The following ZNF714 variants were observed in gnomAD, a reference collection of about 807,000 sequenced individuals.
ZNF714 encodes the protein zinc finger protein 714.
ZNF714 carries 32 observed loss-of-function variants against 46.2 expected under a neutral mutation model. The observed-to-expected ratio is 0.69, with a 90% confidence interval of 0.52 to 0.93. The LOEUF (loss-of-function observed/expected upper bound fraction) is 0.93. Ranked by LOEUF, ZNF714 falls within the 40% of genes least tolerant of loss-of-function variation. ZNF714 has a pLI of 0.00. For synonymous variants in ZNF714, 199 were observed against 213.1 expected, an observed-to-expected ratio of 0.93 and a Z score of 0.58; for missense variants, 635 against 646.3, an observed-to-expected ratio of 0.98 and a Z score of 0.19.
intron 4 of ZNF714, among the ~76,000 whole-genome samples, chr19:21,105,431 C>T (rs1969287433): frequency 6.6e-6 from 1 of 152,070 alleles, no homozygotes; most frequent in Non-Finnish European, 1.5e-5. Flanking sequence ...TATATTTTCA[C>T]CCACTTCCTA....
At chr19:21,088,102 G>A (rs140155718) in intron 2 of ZNF714, among the ~76,000 whole-genome samples, 26 of 152,268 alleles carry the variant, frequency 1.7e-4, no homozygotes, top group Middle Eastern at 3.4e-3. Flanking sequence ...TTACCTAGCC[G>A]TAAAGCAGGC....
At chr19:21,082,377 A>C in intron 1 of ZNF714, 29 bp downstream of exon 1, 20 of 1,456,330 alleles carry the variant, frequency 1.4e-5, no homozygotes, top group Non-Finnish European at 1.9e-5. Context: ...ACATCCCGAG[A>C]GAGGGGAAGG....
At chr19:21,098,949 G>T in intron 4 of ZNF714, 39 bp downstream of exon 4, 2 of 1,074,978 alleles carry the variant, frequency 1.9e-6, no homozygotes, top group Admixed American at 2.8e-5. Flanking sequence ...ACAGATGAGA[G>T]GTACAAAGGT....
At chr19:21,094,858 T>A (rs1969000637) in intron 2 of ZNF714, among the ~76,000 whole-genome samples, 1 of 152,190 alleles carries the variant, frequency 6.6e-6, no homozygotes, top group Non-Finnish European at 1.5e-5. Context: ...TGAGATGGTG[T>A]CTCATTGTGG....
At chr19:21,096,800 A>G (rs1248631095) in intron 2 of ZNF714, among the ~76,000 whole-genome samples, 1 of 152,182 alleles carries the variant, frequency 6.6e-6, no homozygotes, top group East Asian at 1.9e-4. Context: ...TGTGTTCTCC[A>G]TTAGCTCTAT....
intron 4 of ZNF714, among the ~76,000 whole-genome samples, chr19:21,110,089 A>C (rs1969416365): frequency 6.6e-6 from 1 of 152,244 alleles, no homozygotes; most frequent in African/African-American, 2.4e-5. Context: ...AGAATGATTT[A>C]TATTCCTTTG....
chr19:21,090,586 C>T lies in ZNF714; in HGVS notation c.-85+6517C>T, dbSNP rs142119136. On this transcript the variant is annotated intron_variant, in intron 2 of 4. Transcript: ENST00000456283. ...CTCACCCAAAGTCAGCCAGTTGGTG[C>T]ACACAGATGATTTTCCTTTGGGTCA... Among the ~76,000 whole-genome samples the T allele has an allele frequency of 5.6e-4, 85 of 152,224 alleles. 1 individual carries two copies. Among genetic ancestry groups the T allele is most frequent in the African/African-American group, 1.6e-3 (66 of 41,536 alleles).
At chr19:21,102,842 G>A (rs1969215037) in intron 4 of ZNF714, among the ~76,000 whole-genome samples, 1 of 152,002 alleles carries the variant, frequency 6.6e-6, no homozygotes, top group South Asian at 2.1e-4. Context: ...TTTCAGTGTA[G>A]GTTTCTTAAC....
intron 4 of ZNF714, among the ~76,000 whole-genome samples, chr19:21,100,964 C>T (rs1424407239): frequency 6.6e-6 from 1 of 152,070 alleles, no homozygotes; most frequent in Non-Finnish European, 1.5e-5. Flanking sequence ...CCGCCTCGGC[C>T]CCCAAAAGTG....
chr19:21,108,670 T>G (rs1969377566), intron 4 of ZNF714, among the ~76,000 whole-genome samples: 1 of 152,224 alleles, frequency 6.6e-6, no homozygotes, highest in African/African-American at 2.4e-5. Flanking sequence ...GTTACACCCT[T>G]CTTGTACAGT....
In ZNF714 at chr19:21,086,130, CAGACTG is replaced by C. The variant is rs531373535; in HGVS notation, c.-85+2065_-85+2070del. 1.6e-3 allele frequency among the ~76,000 whole-genome samples: 250 copies of C among 152,256 alleles called. 2 individuals carry two copies. The highest frequency in any genetic ancestry group is 5.7e-3 in the African/African-American group (237 of 41,556). Reference sequence around the variant, plus strand: ...CATAAAATGAGATTTTATGTTGACTCAGACTGAGAATAGTTTAAAGTTCTGGGGCCT... The same window carrying C: ...CATAAAATGAGATTTTATGTTGACTCAGAATAGTTTAAAGTTCTGGGGCCT... On this transcript the variant is annotated intron_variant, in intron 2 of 4. Coordinates refer to ENST00000456283, the MANE Select transcript of ZNF714 (RefSeq NM_182515.4).
intron 4 of ZNF714, among the ~76,000 whole-genome samples, chr19:21,110,256 CTGT>C (rs771472097): frequency 2.6e-5 from 4 of 152,196 alleles, no homozygotes; most frequent in Non-Finnish European, 5.9e-5. Flanking sequence ...TCACCAACAT[CTGT>C]TGTTTCTTGG....
At chr19:21,097,768 G>C (rs1969078268) in intron 2 of ZNF714, among the ~76,000 whole-genome samples, 2 of 144,974 alleles carry the variant, frequency 1.4e-5, no homozygotes, top group Admixed American at 6.8e-5. Flanking sequence ...CTTTATTCCA[G>C]ATCTTCTGGG....
intron 4 of ZNF714, among the ~76,000 whole-genome samples, chr19:21,102,507 A>T (rs150991818): frequency 1.3e-5 from 2 of 152,238 alleles, no homozygotes; most frequent in Non-Finnish European, 2.9e-5. Flanking sequence ...TAGCAATGTA[A>T]TGCTGTTCTT....
chr19:21,117,205 G>A lies in ZNF714; in HGVS notation c.541G>A (p.Val181Met). 1 of 1,614,076 alleles carries A rather than the reference G, an allele frequency of 6.2e-7. No homozygotes were observed. The highest frequency in any genetic ancestry group is 8.5e-7 in the Non-Finnish European group (1 of 1,179,958). ...NSYQCEECDK[V>M]FKRFSTLTRH... Reference sequence around the variant, plus strand: ...TTACCAATGTGAAGAATGTGACAAAGTGTTTAAGCGGTTCTCAACCCTTAC... The same window carrying A: ...TTACCAATGTGAAGAATGTGACAAAATGTTTAAGCGGTTCTCAACCCTTAC... The change falls in exon 5 of 5, where the codon GTG becomes ATG. Residue 181 changes from valine to methionine, a missense_variant. Physicochemically the swap from Val to Met is conservative, Grantham distance 21. Transcript: ENST00000456283.
intron 2 of ZNF714, among the ~76,000 whole-genome samples, chr19:21,097,511 A>G (rs1198201426): frequency 1.3e-5 from 2 of 152,098 alleles, no homozygotes; most frequent in Non-Finnish European, 2.9e-5. Context: ...CTTTATTGTT[A>G]AGTATCTTTA....
chr19:21,108,939 T>C (rs1447724247), intron 4 of ZNF714, among the ~76,000 whole-genome samples: 13 of 152,222 alleles, frequency 8.5e-5, no homozygotes, highest in Admixed American at 6.5e-4. Flanking sequence ...CAGACACATA[T>C]ACATATAAAT....
chr19:21,090,532 G>T (rs1968885098), intron 2 of ZNF714, among the ~76,000 whole-genome samples: 1 of 152,134 alleles, frequency 6.6e-6, no homozygotes, highest in Admixed American at 6.5e-5. Flanking sequence ...GGATTTTACT[G>T]AGAGGTTTAC....
At position 21,098,260 on chromosome 19, in the gene ZNF714, A is replaced by C; in HGVS notation, c.-9A>C. The C allele has an allele frequency of 1.2e-6, 2 of 1,612,868 alleles. No homozygotes were observed. The highest frequency in any genetic ancestry group is 1.7e-6 in the Non-Finnish European group (2 of 1,179,806). On this transcript the variant is annotated 5_prime_UTR_variant, in exon 3 of 5. Transcript: ENST00000456283. Reference sequence around the variant, plus strand: ...GGAATGCCTGAACCCTGCTCAGCAGAATTTATATATGAATGTGATGTTAGA... The same window carrying C: ...GGAATGCCTGAACCCTGCTCAGCAGCATTTATATATGAATGTGATGTTAGA...
Sources: gnomAD v4.1 joint callset for allele counts (sites outside exome capture counted in the v4.1 genomes callset) on GRCh38, gnomAD v4.1.1 for gene constraint, MANE v1.5 for transcripts, NCBI Gene and HGNC (gene_info 2026-07-23, HGNC 2026-07-21) for gene names.